The following ADAMTS7 variants were observed in gnomAD, a reference collection of about 807,000 sequenced individuals.
ADAMTS7 encodes the protein ADAM metallopeptidase with thrombospondin type 1 motif 7.
Under a neutral mutation model 172.6 loss-of-function variants are expected in ADAMTS7, and 89 were observed. That is an observed-to-expected ratio of 0.52 (90% CI 0.43 to 0.61). The LOEUF is 0.61. Among genes scored for constraint, ADAMTS7 ranks in the 20% least tolerant of loss-of-function variants. ADAMTS7 has a pLI of 0.00. For synonymous variants in ADAMTS7, 885 were observed against 978.4 expected (o/e 0.90, Z 1.78); for missense variants, 1,973 against 2,355.6 (o/e 0.84, Z 3.36).
chr15:78,774,046 GA>G, intron 13 of ADAMTS7, 120 bp downstream of exon 13: 1 of 1,464,828 alleles, frequency 6.8e-7, no homozygotes, highest in South Asian at 1.3e-5. Context: ...GGACCCAGGA[GA>G]GAACCTGGGG....
intron 2 of ADAMTS7, among the ~76,000 whole-genome samples, chr15:78,799,536 T>C (rs2055690745): frequency 7.5e-6 from 1 of 132,656 alleles, no homozygotes; most frequent in Admixed American, 7.4e-5. Context: ...CCCTGCATAA[T>C]GGCTACAGGG....
In ADAMTS7 at chr15:78,773,132, GCC is replaced by G. The variant is rs1282273179; in HGVS notation, c.2080_2081del (p.Gly694LeufsTer168). ...TCCCGCTCACGGTGTGGCAGGTGGA[GCC>G]GTTGCCGTGGCACACACCACAGCGG... ...EDRCGVCHGN[G>X]STCHTVSGTF... On this transcript the variant is annotated frameshift_variant, in exon 14 of 24. Coordinates refer to ENST00000388820, the MANE Select transcript of ADAMTS7 (RefSeq NM_014272.5). LOFTEE classifies it high-confidence loss of function. The G allele has an allele frequency of 6.6e-7, 1 of 1,511,074 alleles. No homozygotes were observed. The highest frequency in any genetic ancestry group is 2.0e-5 in the Admixed American group (1 of 51,042). The allele number at this position is 1,511,074 out of a possible 1,614,324, so 93.6% of individuals were successfully genotyped here. A position where few individuals can be genotyped will look rare whatever the true frequency, so the allele number is the denominator to read the frequency against.
intron 8 of ADAMTS7, among the ~76,000 whole-genome samples, chr15:78,781,788 T>C (rs554510924): frequency 9.9e-5 from 15 of 152,244 alleles, no homozygotes; most frequent in African/African-American, 2.9e-4. Flanking sequence ...CTCCTCCCCA[T>C]CTTCAGGCCA....
intron 18 of ADAMTS7, 30 bp from the exon 19 acceptor site, chr15:78,767,081 C>T: frequency 6.6e-7 from 1 of 1,518,726 alleles, no homozygotes. Flanking sequence ...GAGGGGCTTA[C>T]CCTGGGAGGC....
intron 3 of ADAMTS7, among the ~76,000 whole-genome samples, chr15:78,797,012 T>G (rs1012530307): frequency 2.6e-5 from 4 of 152,226 alleles, no homozygotes; most frequent in Non-Finnish European, 2.9e-5. Context: ...AAAATAGGAA[T>G]AAATTGCCTC....
chr15:78,796,171 T>A (rs2055640348), intron 4 of ADAMTS7, among the ~76,000 whole-genome samples: 2 of 152,056 alleles, frequency 1.3e-5, no homozygotes. Context: ...TCAGGCAGAG[T>A]CTCAGGCAGA....
At position 78,798,187 on chromosome 15, in the gene ADAMTS7, G is replaced by A. The variant is rs111963569; in HGVS notation, c.457-74C>T. 1.3e-3 allele frequency: 1,811 copies of A among 1,419,834 alleles called. 18 individuals are homozygous for A. In the African/African-American group the frequency reaches 0.022, roughly 17 times the overall value. 88.0% of individuals were successfully genotyped at this position (1,419,834 alleles called of 1,614,324 possible). On this transcript the variant is annotated intron_variant, in intron 2 of 23. Transcript: ENST00000388820. ...CTCTTCTTGCACGTCCCAGAGGCCCGTCCTGCTCAGCTGAGCCCCCACTGC... is the reference window on the plus strand; with the variant it reads ...CTCTTCTTGCACGTCCCAGAGGCCCATCCTGCTCAGCTGAGCCCCCACTGC...
Position 78,787,620 on chromosome 15 carries a change from T to A in ADAMTS7, c.1322+611A>T, listed in dbSNP as rs1471093538. ...CGGAGGTTGCAGTGAGTCAAGATCGTGCCATTGCATTCCAGCCTGGGCAAC... is the reference window on the plus strand; with the variant it reads ...CGGAGGTTGCAGTGAGTCAAGATCGAGCCATTGCATTCCAGCCTGGGCAAC... On this transcript the variant is annotated intron_variant, in intron 8 of 23. Coordinates refer to ENST00000388820, the MANE Select transcript of ADAMTS7 (RefSeq NM_014272.5). 2.6e-5 allele frequency among the ~76,000 whole-genome samples: 4 copies of A among 152,062 alleles called. No individual in the cohort carries two copies. The East Asian group carries it at 7.7e-4, about 29-fold the overall frequency.
At chr15:78,792,338 G>C (rs12438008) in intron 4 of ADAMTS7, among the ~76,000 whole-genome samples, 1 of 152,030 alleles carries the variant, frequency 6.6e-6, no homozygotes, top group African/African-American at 2.4e-5. Context: ...CCACTGCCTC[G>C]TCCAAGTTAC....
At chr15:78,778,613 C>T (rs1454361241) in intron 8 of ADAMTS7, among the ~76,000 whole-genome samples, 4 of 152,112 alleles carry the variant, frequency 2.6e-5, no homozygotes, top group Non-Finnish European at 5.9e-5. Flanking sequence ...GGGCTGGGGA[C>T]GACCCAGGCA....
intron 8 of ADAMTS7, 90 bp from the exon 9 acceptor site, chr15:78,777,678 GA>G: frequency 6.7e-7 from 1 of 1,488,504 alleles, no homozygotes; most frequent in South Asian, 1.3e-5. Flanking sequence ...GGAGAGGTGG[GA>G]GGGGGCACAG....
intron 4 of ADAMTS7, among the ~76,000 whole-genome samples, chr15:78,792,464 C>A (rs1232769081): frequency 6.6e-6 from 1 of 152,218 alleles, no homozygotes; most frequent in Non-Finnish European, 1.5e-5. Flanking sequence ...GAAATGCAAA[C>A]CTCATCATGA....
chr15:78,776,212 G>A lies in ADAMTS7; in HGVS notation c.1682C>T (p.Ala561Val). 6.2e-7 allele frequency: 1 copy of A among 1,611,330 alleles called. No homozygotes were observed. Among genetic ancestry groups the A allele is most frequent in the Middle Eastern group, 2.2e-4 (1 of 4,476 alleles). Residue 561 changes from alanine (A) to valine (V), a missense_variant, in exon 11 of 24, where the codon GCC (alanine) becomes GTC (valine). Coordinates refer to ENST00000388820, the MANE Select transcript of ADAMTS7 (RefSeq NM_014272.5). The part of the protein sequence containing the change: ...SRSCGMGVQS[A>V]ERQCTQPTPK... ...CGTAGGCTGCGTGCACTGCCGCTCG[G>A]CGCTCTGTACGCCCATGCCACAGCT...
chr15:78,809,107 CA>C (rs2055832821), intron 1 of ADAMTS7, among the ~76,000 whole-genome samples: 1 of 152,096 alleles, frequency 6.6e-6, no homozygotes, highest in African/African-American at 2.4e-5. Flanking sequence ...TGCACAGAAA[CA>C]CATGCACACA....
intron 1 of ADAMTS7, among the ~76,000 whole-genome samples, chr15:78,807,348 C>A (rs2055810817): frequency 6.6e-6 from 1 of 152,216 alleles, no homozygotes; most frequent in South Asian, 2.1e-4. Context: ...AGAACCCATG[C>A]CCCAGCGGAT....
At chr15:78,792,612 C>T (rs565065252) in intron 4 of ADAMTS7, among the ~76,000 whole-genome samples, 15 of 152,266 alleles carry the variant, frequency 9.9e-5, no homozygotes, top group African/African-American at 2.2e-4. Flanking sequence ...GTCAGGAGTT[C>T]GAGACCAGCC....
chr15:78,796,754 A>C lies in ADAMTS7; in HGVS notation c.655T>G (p.Trp219Gly). 1 of 1,612,104 alleles carries C rather than the reference A, an allele frequency of 6.2e-7. No individual in the cohort carries two copies. The highest frequency in any genetic ancestry group is 8.5e-7 in the Non-Finnish European group (1 of 1,179,798). ...YPELESRRER[W>G]EQRQQWRRPR... ...CGCCGCCACTGCTGCCGCTGCTCCC[A>C]ACGCTCCCGTCGAGACTCCAGCTCT... The change falls in exon 4 of 24, where the codon TGG becomes GGG. Residue 219 changes from tryptophan to glycine, a missense_variant. Trp to Gly is a radical substitution (Grantham distance 184). Coordinates refer to ENST00000388820, the MANE Select transcript of ADAMTS7 (RefSeq NM_014272.5).
At chr15:78,802,313 G>A (rs1296467239) in intron 1 of ADAMTS7, among the ~76,000 whole-genome samples, 2 of 152,208 alleles carry the variant, frequency 1.3e-5, no homozygotes, top group Non-Finnish European at 2.9e-5. Flanking sequence ...CTGAGCCACT[G>A]GTTGAATATG....
chr15:78,773,060 C>T lies in ADAMTS7; in HGVS notation c.2131+23G>A, dbSNP rs1472068463. 3.0e-5 allele frequency: 44 copies of T among 1,460,242 alleles called. 2 individuals are homozygous for T. 90.5% of individuals were successfully genotyped at this position (1,460,242 alleles called of 1,614,324 possible). ...CCATCAGGTGAAGAGCATACCCCTC[C>T]CCACAGCGGTCCCACCCCATACCCA... On this transcript the variant is annotated intron_variant, in intron 14 of 23. Transcript: ENST00000388820.
Sources: gnomAD v4.1 joint callset for allele counts (sites outside exome capture counted in the v4.1 genomes callset) on GRCh38, gnomAD v4.1.1 for gene constraint, MANE v1.5 for transcripts, NCBI Gene and HGNC (gene_info 2026-07-23, HGNC 2026-07-21) for gene names.